The following DYM variants were observed in gnomAD, a reference collection of about 807,000 sequenced individuals.
The protein encoded by DYM is dymeclin.
In DYM, 78 loss-of-function variants were observed where a neutral mutation model predicts 93.1. That is an observed-to-expected ratio of 0.84 (90% CI 0.70 to 1.01). The LOEUF (loss-of-function observed/expected upper bound fraction) is 1.01, where lower values mean the gene tolerates loss of function less well. DYM is among the 50% of genes least tolerant of loss of function. The probability of loss-of-function intolerance (pLI) is 0.00; values close to 1 mark genes in which losing one functional copy is unlikely to be tolerated. For missense variants in DYM, 789 were observed against 845.0 expected, an observed-to-expected ratio of 0.93 and a Z score of 0.82; for synonymous variants, 321 against 319.7, an observed-to-expected ratio of 1.00 and a Z score of -0.04.
At chr18:49,449,812 T>TACC (rs2082374637) in intron 1 of DYM, among the ~76,000 whole-genome samples, 2 of 152,170 alleles carry the variant, frequency 1.3e-5, no homozygotes, top group Non-Finnish European at 2.9e-5. Context: ...AAAGAAAGGG[T>TACC]ACCTTAGGTT....
intron 3 of DYM, among the ~76,000 whole-genome samples, chr18:49,389,078 G>A (rs1055770008): frequency 4.6e-5 from 7 of 152,084 alleles, no homozygotes; most frequent in African/African-American, 1.7e-4. Context: ...GTTGCTGCGT[G>A]TAAACAAAAT....
At chr18:49,265,937 T>C (rs1195473175) in intron 11 of DYM, among the ~76,000 whole-genome samples, 2 of 152,040 alleles carry the variant, frequency 1.3e-5, no homozygotes, top group African/African-American at 4.8e-5. Flanking sequence ...AAACCAGTAT[T>C]AGGCAATTTT....
At chr18:49,222,597 C>G (rs779847718) in intron 13 of DYM, among the ~76,000 whole-genome samples, 9 of 151,904 alleles carry the variant, frequency 5.9e-5, no homozygotes, top group Non-Finnish European at 1.2e-4. Context: ...TGCGACTGAT[C>G]AAAAACATAC....
chr18:49,103,348 C>G (rs147857115), intron 16 of DYM, among the ~76,000 whole-genome samples: 16,690 of 152,032 alleles, frequency 0.11, 1,136 homozygotes, highest in African/African-American at 0.19. Context: ...AAAATTTTCT[C>G]CCATTCTGTA....
At chr18:49,257,776 G>A (rs1290538038) in intron 12 of DYM, among the ~76,000 whole-genome samples, 1 of 152,012 alleles carries the variant, frequency 6.6e-6, no homozygotes, top group Non-Finnish European at 1.5e-5. Context: ...TAAGCCCAGG[G>A]GTTGGAGGTT....
rs549025480 is a variant in DYM at position 49,041,182 on chromosome 18, A to C, written c.*2873T>G. Among the ~76,000 whole-genome samples, 2 of 152,308 alleles carry C rather than the reference A, an allele frequency of 1.3e-5. No homozygotes were observed. The highest frequency in any genetic ancestry group is 4.1e-4 in the South Asian group (2 of 4,828). ...TCATAGATTGTATGACACCAGCCTC[A>C]ACGGGTGACTGTGGGAACTAGAGTT... On this transcript the variant is annotated 3_prime_UTR_variant, in exon 18 of 18. Coordinates refer to ENST00000675505, the MANE Select transcript of DYM (RefSeq NM_001353214.3).
At chr18:49,201,484 A>C (rs1430973857) in intron 14 of DYM, among the ~76,000 whole-genome samples, 2 of 152,212 alleles carry the variant, frequency 1.3e-5, no homozygotes, top group East Asian at 3.9e-4. Flanking sequence ...CACATCAGTC[A>C]GGCTCAAAAG....
At chr18:49,224,130 T>C (rs527291461) in intron 13 of DYM, among the ~76,000 whole-genome samples, 17 of 152,108 alleles carry the variant, frequency 1.1e-4, no homozygotes, top group African/African-American at 3.9e-4. Context: ...TGGTAATGAA[T>C]TGAATATGGC....
chr18:49,458,398 A>G (rs2083180811), intron 1 of DYM, among the ~76,000 whole-genome samples: 1 of 152,124 alleles, frequency 6.6e-6, no homozygotes, highest in South Asian at 2.1e-4. Context: ...ATTATGCCAC[A>G]TTTTTCAGAG....
At chr18:49,289,081 C>T (rs1026626824) in intron 8 of DYM, among the ~76,000 whole-genome samples, 1 of 152,022 alleles carries the variant, frequency 6.6e-6, no homozygotes, top group Non-Finnish European at 1.5e-5. Context: ...CAGCACAGAG[C>T]TACATGTATT....
At chr18:49,254,566 GGTTT>G (rs139138608) in intron 13 of DYM, among the ~76,000 whole-genome samples, 2,078 of 152,002 alleles carry the variant, frequency 0.014, 44 homozygotes, top group African/African-American at 0.047. Flanking sequence ...AAATATGATT[GGTTT>G]ATTTTCTACT....
chr18:49,454,714 A>G (rs1474929187), intron 1 of DYM, among the ~76,000 whole-genome samples: 1 of 151,352 alleles, frequency 6.6e-6, no homozygotes, highest in African/African-American at 2.4e-5. Context: ...CCTGGCTAAC[A>G]CAGTGAAACC....
chr18:49,434,783 T>C (rs780410049), intron 1 of DYM, among the ~76,000 whole-genome samples: 3 of 151,994 alleles, frequency 2.0e-5, no homozygotes, highest in African/African-American at 7.2e-5. Flanking sequence ...CTGGGCAATA[T>C]AGCAATACCC....
rs1600270680 is a variant in DYM, at chr18:49,165,416, AT to A, written c.1626-1630del. ...AAAAATCTGAAGTATGGCCTTTAGT[AT>A]TTTTTTATGCCAAAACTTCACTGTA... On this transcript the variant is annotated intron_variant, in intron 14 of 17. Transcript: ENST00000675505. Among the ~76,000 whole-genome samples, 4 of 152,206 alleles carry A rather than the reference AT, an allele frequency of 2.6e-5. No individual in the cohort carries two copies. The East Asian group carries it at 5.8e-4, about 22-fold the overall frequency.
chr18:49,316,018 A>G (rs1437835069), intron 8 of DYM, among the ~76,000 whole-genome samples: 1 of 152,380 alleles, frequency 6.6e-6, no homozygotes, highest in East Asian at 1.9e-4. Context: ...GCAGTGGCTC[A>G]CGCCTGTAAT....
intron 17 of DYM, among the ~76,000 whole-genome samples, chr18:49,063,312 T>C (rs534105733): frequency 1.8e-3 from 279 of 151,650 alleles, no homozygotes; most frequent in Non-Finnish European, 3.1e-3. Flanking sequence ...CTTTTCTTTT[T>C]TTTTTTTTTT....
chr18:49,284,710 A>C (rs541787000), intron 9 of DYM, among the ~76,000 whole-genome samples: 1 of 152,334 alleles, frequency 6.6e-6, no homozygotes, highest in South Asian at 2.1e-4. Flanking sequence ...TGACTCTGAA[A>C]CTTGCTTTCT....
At position 49,206,011 on chromosome 18, in the gene DYM, G is replaced by GTTTGTTTT. The variant is rs2092475166; in HGVS notation, c.1625+3539_1625+3540insAAAACAAA. 31 of 136,024 alleles carry GTTTGTTTT rather than the reference G, an allele frequency of 2.3e-4. 1 individual carries two copies. The highest frequency in any genetic ancestry group is 2.1e-3 in the Admixed American group (26 of 12,218). The allele number at this position is 136,024 out of a possible 1,614,324, so 8.4% of individuals were successfully genotyped here. ...GGTAGAGTTTTTTTTTTGTTTTTTTGTTTTTTGCGGAGTCTTGCTCTGTGT... is the reference window on the plus strand; with the variant it reads ...GGTAGAGTTTTTTTTTTGTTTTTTTGTTTGTTTTTTTTTTGCGGAGTCTTGCTCTGTGT... On this transcript the variant is annotated intron_variant, in intron 14 of 17. Transcript: ENST00000675505.
At chr18:49,421,658 C>G (rs536651531) in intron 2 of DYM, among the ~76,000 whole-genome samples, 131 of 152,310 alleles carry the variant, frequency 8.6e-4, no homozygotes, top group African/African-American at 2.9e-3. Flanking sequence ...ATGACTTTGA[C>G]GAGTGGAGAG....
Sources: allele counts gnomAD v4.1 joint callset (sites outside exome capture counted in the v4.1 genomes callset), GRCh38; gene constraint gnomAD v4.1.1; transcripts MANE v1.5; gene names NCBI Gene and HGNC (gene_info 2026-07-23, HGNC 2026-07-21).